HS6ST3: variants seen among roughly 807,000 people sequenced by gnomAD.
The protein encoded by HS6ST3 is heparan-sulfate 6-O-sulfotransferase 3.
HS6ST3 carries 12 observed loss-of-function variants against 36.7 expected under a neutral mutation model. The observed-to-expected ratio is 0.33, with a 90% CI of 0.21 to 0.53. The LOEUF (loss-of-function observed/expected upper bound fraction) is 0.53. Among genes scored for constraint, HS6ST3 ranks in the 20% least tolerant of loss-of-function variants. The pLI is 0.95. For synonymous variants in HS6ST3, 240 were observed against 257.5 expected (o/e 0.93, Z 0.65); for missense variants, 584 against 640.9 (o/e 0.91, Z 0.96).
chr13:96,142,395 CAATT>C (rs2054036308), intron 1 of HS6ST3, among the ~76,000 whole-genome samples: 1 of 152,220 alleles, frequency 6.6e-6, no homozygotes, highest in African/African-American at 2.4e-5. Context: ...AAAGAACTAA[CAATT>C]AATTATCTTG....
At chr13:96,444,355 C>T (rs1456076891) in intron 1 of HS6ST3, among the ~76,000 whole-genome samples, 1 of 152,140 alleles carries the variant, frequency 6.6e-6, no homozygotes, top group Non-Finnish European at 1.5e-5. Context: ...TTTTAAGGCA[C>T]TAACTGGGTA....
At chr13:96,272,558 A>C (rs2054726253) in intron 1 of HS6ST3, among the ~76,000 whole-genome samples, 3 of 151,958 alleles carry the variant, frequency 2.0e-5, no homozygotes. Context: ...ATAGTAGTAG[A>C]TGGAAAATTC....
intron 1 of HS6ST3, among the ~76,000 whole-genome samples, chr13:96,303,598 C>T (rs1418357146): frequency 6.6e-6 from 1 of 152,054 alleles, no homozygotes; most frequent in Non-Finnish European, 1.5e-5. Context: ...GAGAGATGAA[C>T]ATTCTGGACA....
rs2055478211 is a variant in HS6ST3, at chr13:96,406,343, C to CCTCAAA, written c.707+314774_707+314775insCTCAAA. ...GTACCGATTTCTTTGTTCTCAAATACTAGTGAGTACAACCATTACCTATTT... is the reference window on the plus strand; with the variant it reads ...GTACCGATTTCTTTGTTCTCAAATACCTCAAATAGTGAGTACAACCATTACCTATTT... On this transcript the variant is annotated intron_variant, in intron 1 of 1. Coordinates refer to ENST00000376705, the MANE Select transcript of HS6ST3 (RefSeq NM_153456.4). 3.9e-5 allele frequency among the ~76,000 whole-genome samples: 6 copies of CCTCAAA among 152,296 alleles called. No homozygotes were observed. In the South Asian group the frequency reaches 1.2e-3, roughly 32 times the overall value.
intron 1 of HS6ST3, among the ~76,000 whole-genome samples, chr13:96,553,466 T>G (rs1291892300): frequency 6.6e-6 from 1 of 152,152 alleles, no homozygotes; most frequent in African/African-American, 2.4e-5. Context: ...AAAGATAGGG[T>G]TCCAGGAGTG....
intron 1 of HS6ST3, among the ~76,000 whole-genome samples, chr13:96,349,978 A>C (rs1479377535): frequency 6.6e-6 from 1 of 151,926 alleles, no homozygotes; most frequent in Non-Finnish European, 1.5e-5. Flanking sequence ...TTTCATTACT[A>C]AGTCATTGGA....
At chr13:96,773,021 G>A (rs1186916846) in intron 1 of HS6ST3, among the ~76,000 whole-genome samples, 1 of 152,206 alleles carries the variant, frequency 6.6e-6, no homozygotes, top group Non-Finnish European at 1.5e-5. Flanking sequence ...GTGAGCTGAA[G>A]TGGGGGAGGG....
At chr13:96,685,842 C>A (rs753772405) in intron 1 of HS6ST3, among the ~76,000 whole-genome samples, 5 of 151,994 alleles carry the variant, frequency 3.3e-5, no homozygotes, top group Non-Finnish European at 5.9e-5. Context: ...GATCCACATG[C>A]CCGGCATGCC....
At chr13:96,199,983 A>G (rs542658391) in intron 1 of HS6ST3, among the ~76,000 whole-genome samples, 39 of 152,292 alleles carry the variant, frequency 2.6e-4, no homozygotes, top group African/African-American at 8.4e-4. Flanking sequence ...TATTTCTGAC[A>G]CTGAAAATGA....
chr13:96,561,090 AAAAC>A (rs1384646739), intron 1 of HS6ST3, among the ~76,000 whole-genome samples: 1 of 152,212 alleles, frequency 6.6e-6, no homozygotes, highest in Non-Finnish European at 1.5e-5. Context: ...CCCAAGCAAA[AAAAC>A]AAAGCCAGAG....
chr13:96,431,169 G>A (rs187855494), intron 1 of HS6ST3, among the ~76,000 whole-genome samples: 31 of 151,932 alleles, frequency 2.0e-4, no homozygotes, highest in South Asian at 1.0e-3. Flanking sequence ...GCTCCACTGC[G>A]CTCCAGCCTG....
intron 1 of HS6ST3, among the ~76,000 whole-genome samples, chr13:96,446,545 T>C (rs963428491): frequency 6.6e-5 from 10 of 152,164 alleles, no homozygotes; most frequent in African/African-American, 2.4e-4. Context: ...ACCTCCCTCT[T>C]CACAGGTGTT....
intron 1 of HS6ST3, among the ~76,000 whole-genome samples, chr13:96,462,194 C>T (rs940660884): frequency 6.6e-6 from 1 of 152,080 alleles, no homozygotes; most frequent in Non-Finnish European, 1.5e-5. Flanking sequence ...CTGACCCTCC[C>T]AAGAAGCTAG....
intron 1 of HS6ST3, among the ~76,000 whole-genome samples, chr13:96,354,271 G>C (rs1028929702): frequency 6.6e-6 from 1 of 152,098 alleles, no homozygotes; most frequent in Non-Finnish European, 1.5e-5. Flanking sequence ...GCAGAACACT[G>C]GTTGCTATAA....
At chr13:96,777,842 CA>C (rs547665635) in intron 1 of HS6ST3, among the ~76,000 whole-genome samples, 1 of 151,948 alleles carries the variant, frequency 6.6e-6, no homozygotes, top group Non-Finnish European at 1.5e-5. Context: ...TCATTTGGAA[CA>C]AAAAAAGAGC....
At chr13:96,202,471 C>T (rs895806034) in intron 1 of HS6ST3, among the ~76,000 whole-genome samples, 12 of 152,140 alleles carry the variant, frequency 7.9e-5, no homozygotes, top group Non-Finnish European at 1.5e-4. Flanking sequence ...TGATTTTGCA[C>T]GTCATCTCTT....
At chr13:96,355,244 G>A (rs555601717) in intron 1 of HS6ST3, among the ~76,000 whole-genome samples, 36 of 152,050 alleles carry the variant, frequency 2.4e-4, no homozygotes, top group African/African-American at 8.5e-4. Flanking sequence ...TTCATGGGAG[G>A]AGGTCAAAAT....
intron 1 of HS6ST3, among the ~76,000 whole-genome samples, chr13:96,739,871 C>T (rs1876391522): frequency 6.6e-6 from 1 of 152,058 alleles, no homozygotes; most frequent in African/African-American, 2.4e-5. Flanking sequence ...CAAATCCCAG[C>T]CTGATGTGAT....
At chr13:96,625,561 G>T (rs1397526836) in intron 1 of HS6ST3, among the ~76,000 whole-genome samples, 1 of 151,538 alleles carries the variant, frequency 6.6e-6, no homozygotes, top group Non-Finnish European at 1.5e-5. Context: ...ACATTATTTA[G>T]GTATTAGATC....
Sources: allele counts gnomAD v4.1 joint callset (sites outside exome capture counted in the v4.1 genomes callset), GRCh38; gene constraint gnomAD v4.1.1; transcripts MANE v1.5; gene names NCBI Gene and HGNC (gene_info 2026-07-23, HGNC 2026-07-21).